Variants in IFT140 observed in about 807,000 individuals in gnomAD.
IFT140 encodes intraflagellar transport 140.
In IFT140, 133 loss-of-function variants were observed where a neutral mutation model predicts 164.6. The ratio of observed to expected loss-of-function variants is 0.81; its 90% CI spans 0.70 to 0.93. The LOEUF is 0.93. IFT140 is among the 40% of genes least tolerant of loss of function. IFT140 has a pLI of 0.00. For synonymous variants in IFT140, 860 were observed against 817.3 expected, an observed-to-expected ratio of 1.05 and a Z score of -0.89; for missense variants, 2,045 against 1,972.3, an observed-to-expected ratio of 1.04 and a Z score of -0.70.
intron 19 of IFT140, among the ~76,000 whole-genome samples, chr16:1,540,294 C>T (rs892467456): frequency 3.3e-5 from 5 of 152,254 alleles, no homozygotes; most frequent in African/African-American, 7.2e-5. Context: ...GAGGTTGAAC[C>T]GTGTGGAATT....
At chr16:1,517,834 C>T (rs917612285) in intron 30 of IFT140, among the ~76,000 whole-genome samples, 16 of 151,978 alleles carry the variant, frequency 1.1e-4, no homozygotes, top group African/African-American at 3.1e-4. Flanking sequence ...TTTTTGCTAC[C>T]GACAGATTTT....
intron 11 of IFT140, among the ~76,000 whole-genome samples, chr16:1,583,819 A>C (rs2034712249): frequency 6.6e-6 from 1 of 152,046 alleles, no homozygotes; most frequent in Non-Finnish European, 1.5e-5. Context: ...ATCTCAGCTC[A>C]CAGCAACCTC....
rs2667664 is a variant in IFT140 at position 1,551,457 on chromosome 16, A to G, written c.2399+6478T>C. ...GGCCACTGGGCCCCAGGGTGGCAGA[A>G]GGGCGGCCGCAGGTAGCAGGGGAGA... is the stretch of plus-strand genomic sequence containing the variant. On this transcript the variant is annotated intron_variant, in intron 19 of 30. Coordinates refer to ENST00000426508, the MANE Select transcript of IFT140 (RefSeq NM_014714.4). The surrounding 1 kb of genome is among the most constrained non-coding windows in gnomAD (Gnocchi z 4.0). Among the ~76,000 whole-genome samples the G allele has an allele frequency of 1, 152,284 of 152,286 alleles. 76,141 individuals are homozygous for G. The highest frequency in any genetic ancestry group is 1 in the Middle Eastern group (294 of 294).
intron 3 of IFT140, among the ~76,000 whole-genome samples, chr16:1,604,914 G>T (rs1390731989): frequency 2.0e-5 from 3 of 152,076 alleles, no homozygotes; most frequent in Non-Finnish European, 2.9e-5. Flanking sequence ...GCCCATCTCA[G>T]TGAGCAGGAG....
Position 1,510,657 on chromosome 16 carries a change from T to C in IFT140, c.*287A>G. On this transcript the variant is annotated 3_prime_UTR_variant, in exon 31 of 31. Coordinates refer to ENST00000426508, the MANE Select transcript of IFT140 (RefSeq NM_014714.4). ...TAGAAGTTTCTCAGGCTTTACAATG[T>C]GTAGTTGGGAGAATACGATGGAAGG... 2 of 524,306 alleles carry C rather than the reference T, an allele frequency of 3.8e-6. No homozygotes were observed. The highest frequency in any genetic ancestry group is 6.8e-6 in the Non-Finnish European group (2 of 292,804). The allele number at this position is 524,306 out of a possible 1,614,324, so 32.5% of individuals were successfully genotyped here.
chr16:1,526,556 A>G, intron 20 of IFT140, 63 bp downstream of exon 20: 1 of 1,414,878 alleles, frequency 7.1e-7, no homozygotes, highest in Non-Finnish European at 9.3e-7. Flanking sequence ...CTCCTTCCCC[A>G]GGGGGCCGTG....
At chr16:1,586,849 G>T (rs530006532) in intron 9 of IFT140, among the ~76,000 whole-genome samples, 1 of 152,170 alleles carries the variant, frequency 6.6e-6, no homozygotes, top group African/African-American at 2.4e-5. Flanking sequence ...TGGGACCACC[G>T]CTGTACACCA....
chr16:1,526,044 G>A lies in IFT140; in HGVS notation c.2611C>T (p.Arg871Cys), dbSNP rs767213195. The change falls in exon 21 of 31, where the codon CGC (arginine) becomes TGC (cysteine). Residue 871 changes from arginine (R) to cysteine (C), a missense_variant. Arg to Cys is a radical substitution (Grantham distance 180). Coordinates refer to ENST00000426508, the MANE Select transcript of IFT140 (RefSeq NM_014714.4). ...TAGAACTTGTTCAGGAGGTCGTGGC[G>A]CTTGCACTTCCTGTACAGCTGCTCG... ...DAEQLYRKCKRHDLLNKFYQA... is the reference protein window; with the variant it reads ...DAEQLYRKCKCHDLLNKFYQA... 72 of 1,599,302 alleles carry A rather than the reference G, an allele frequency of 4.5e-5. No individual in the cohort carries two copies. The highest frequency in any genetic ancestry group is 6.0e-5 in the Non-Finnish European group (70 of 1,173,404).
chr16:1,556,697 C>T (rs1271665408), intron 19 of IFT140, among the ~76,000 whole-genome samples: 1 of 152,248 alleles, frequency 6.6e-6, no homozygotes, highest in Non-Finnish European at 1.5e-5. Flanking sequence ...TACACACTAG[C>T]AGGGATAGTT....
intron 19 of IFT140, among the ~76,000 whole-genome samples, chr16:1,555,967 G>A (rs996127561): frequency 3.3e-5 from 5 of 152,196 alleles, no homozygotes; most frequent in South Asian, 2.1e-4. Context: ...TTAGCCAGGC[G>A]TGGTGGCGGG....
rs543338352 is a variant in IFT140, at chr16:1,533,975, C to T, written c.2400-7179G>A. On this transcript the variant is annotated intron_variant, in intron 19 of 30. Coordinates refer to ENST00000426508, the MANE Select transcript of IFT140 (RefSeq NM_014714.4). This position sits in a 1 kb window ranked among gnomAD's most constrained non-coding sequence, Gnocchi z 4.7. ...GCGGCACAGGCCGGCCTCCGCTTCC[C>T]GGGAAGACGGCGCACTCCTGGCCCT... 1.8e-5 allele frequency: 8 copies of T among 447,782 alleles called. No individual in the cohort carries two copies. Among genetic ancestry groups the T allele is most frequent in the Admixed American group, 4.4e-5 (1 of 22,938 alleles). The allele number at this position is 447,782 out of a possible 1,614,324, so 27.7% of individuals were successfully genotyped here.
intron 10 of IFT140, among the ~76,000 whole-genome samples, chr16:1,584,867 T>C (rs1026088133): frequency 6.6e-6 from 1 of 152,106 alleles, no homozygotes; most frequent in South Asian, 2.1e-4. Context: ...TAAAAATAAA[T>C]AAAGACCTAT....
chr16:1,554,823 G>C, intron 19 of IFT140: 1 of 1,614,158 alleles, frequency 6.2e-7, no homozygotes, highest in Non-Finnish European at 8.5e-7. Context: ...CTACAGAATT[G>C]GCCCATACAC....
chr16:1,592,103 T>G, intron 6 of IFT140, 73 bp downstream of exon 6: 1 of 1,522,598 alleles, frequency 6.6e-7, no homozygotes. Context: ...AAACGCCATC[T>G]GTGAGTTTAA....
chr16:1,511,264 C>T, intron 30 of IFT140, 114 bp from the exon 31 acceptor site: 1 of 924,536 alleles, frequency 1.1e-6, no homozygotes, highest in South Asian at 1.4e-5. Flanking sequence ...TGCCTCCGCG[C>T]TGGAGGACAC....
intron 13 of IFT140, among the ~76,000 whole-genome samples, chr16:1,572,412 C>A (rs2034068458): frequency 6.6e-6 from 1 of 152,190 alleles, no homozygotes; most frequent in Admixed American, 6.5e-5. Flanking sequence ...TTTGGGAGGC[C>A]AAGGCGCGTG....
chr16:1,573,246 G>A (rs1039981988), intron 13 of IFT140, among the ~76,000 whole-genome samples: 5 of 152,148 alleles, frequency 3.3e-5, no homozygotes, highest in African/African-American at 1.2e-4. Context: ...AAAAAGAGCA[G>A]GGGGAGCGGA....
chr16:1,578,312 T>G (rs961641501), intron 13 of IFT140: 3 of 152,076 alleles, frequency 2.0e-5, no homozygotes, highest in African/African-American at 7.2e-5. Context: ...GACAGGAATG[T>G]GGCCGCCCCA....
In IFT140 at chr16:1,602,488, T is replaced by A. The variant is rs755089438; in HGVS notation, c.251A>T (p.Glu84Val). Residue 84 changes from glutamate to valine, a missense_variant, in exon 4 of 31, where the codon GAA becomes GTA. Coordinates refer to ENST00000426508, the MANE Select transcript of IFT140 (RefSeq NM_014714.4). ...LVLAVGWETG[E>V]VTVFNKQDKE... ...GTCCTGCTTGTTAAACACCGTCACT[T>A]CTCCAGTCTCCCAGCCCACAGCCAG... 3 of 1,613,828 alleles carry A rather than the reference T, an allele frequency of 1.9e-6. No individual in the cohort carries two copies. In the African/African-American group the frequency reaches 4.0e-5, roughly 22 times the overall value.
Sources: gnomAD v4.1 joint callset for allele counts (sites outside exome capture counted in the v4.1 genomes callset) on GRCh38, gnomAD v4.1.1 for gene constraint, Gnocchi (gnomAD v3.1) non-coding constraint, MANE v1.5 for transcripts, NCBI Gene and HGNC (gene_info 2026-07-23, HGNC 2026-07-21) for gene names.